Variants in EPS8 observed in about 807,000 individuals in gnomAD.
The protein encoded by EPS8 is epidermal growth factor receptor kinase substrate 8.
EPS8 carries 42 observed loss-of-function variants against 103.8 expected under a neutral mutation model. That is an observed-to-expected ratio of 0.40 (90% confidence interval 0.32 to 0.52). The LOEUF (loss-of-function observed/expected upper bound fraction) is 0.52. Among genes scored for constraint, EPS8 ranks in the 20% least tolerant of loss-of-function variants. The pLI, the probability that EPS8 is intolerant of heterozygous loss-of-function variation, is 0.40. For missense variants in EPS8, 969 were observed against 1,005.1 expected (o/e 0.96, Z 0.49); for synonymous variants, 344 against 344.6 (o/e 1.00, Z 0.02).
At chr12:15,658,897 T>C (rs576132971) in intron 10 of EPS8, among the ~76,000 whole-genome samples, 21 of 152,210 alleles carry the variant, frequency 1.4e-4, no homozygotes, top group Middle Eastern at 3.4e-3. Context: ...TAAAAGCTAA[T>C]AAAATACATG....
At position 15,771,906 on chromosome 12, in the gene EPS8, CGAGGTCAG is replaced by C. The variant is rs542283651; in HGVS notation, c.-22+17247_-22+17254del. Among the ~76,000 whole-genome samples the C allele has an allele frequency of 8.4e-3, 1,272 of 152,032 alleles. 4 individuals are homozygous for C. The highest frequency in any genetic ancestry group is 0.013 in the Non-Finnish European group (914 of 67,944). ...TTGGGAGGCCGAGGTGGGTGGATCA[CGAGGTCAG>C]GAGATCGAGACCATCCTGGCTAATG... is the stretch of plus-strand genomic sequence containing the variant. On this transcript the variant is annotated intron_variant, in intron 1 of 20. Transcript: ENST00000281172. The surrounding 1 kb of genome is among the most constrained non-coding windows in gnomAD (Gnocchi z 4.6).
At chr12:15,670,058 A>C (rs1945788646) in intron 4 of EPS8, among the ~76,000 whole-genome samples, 1 of 152,206 alleles carries the variant, frequency 6.6e-6, no homozygotes, top group Admixed American at 6.5e-5. Flanking sequence ...AATCTGTTTC[A>C]TACGGAGCCA....
intron 1 of EPS8, among the ~76,000 whole-genome samples, chr12:15,709,158 C>A (rs1158931327): frequency 6.6e-6 from 1 of 152,080 alleles, no homozygotes; most frequent in Non-Finnish European, 1.5e-5. Context: ...GCAAGGCAAC[C>A]TAGAAGAAAC....
At chr12:15,782,165 T>C (rs569760345) in intron 1 of EPS8, 1 of 152,198 alleles carries the variant, frequency 6.6e-6, no homozygotes, top group East Asian at 1.9e-4. Flanking sequence ...TCAATAAATA[T>C]ATTTGGAAAA....
chr12:15,718,039 A>G (rs1001518375), intron 1 of EPS8, among the ~76,000 whole-genome samples: 1 of 152,204 alleles, frequency 6.6e-6, no homozygotes, highest in East Asian at 1.9e-4. Flanking sequence ...CTATAACTAA[A>G]GATTAGATGT....
intron 1 of EPS8, among the ~76,000 whole-genome samples, chr12:15,788,636 T>G (rs762535680): frequency 1.9e-4 from 29 of 152,142 alleles, no homozygotes; most frequent in Non-Finnish European, 4.0e-4. Flanking sequence ...TCAACAGCCA[T>G]TAGGCATTGA....
At chr12:15,631,713 G>C in intron 17 of EPS8, 49 bp from the exon 18 acceptor site, 3 of 1,439,480 alleles carry the variant, frequency 2.1e-6, no homozygotes, top group Non-Finnish European at 1.9e-6. Flanking sequence ...TATAAACCTA[G>C]GCTAGGAAAA....
chr12:15,638,562 C>T lies in EPS8; in HGVS notation c.1821+2141G>A, dbSNP rs139048405. Among the ~76,000 whole-genome samples, 27 of 152,298 alleles carry T rather than the reference C, an allele frequency of 1.8e-4. No individual in the cohort carries two copies. In the East Asian group the frequency reaches 1.9e-3, roughly 11 times the overall value. ...ACACACACCACTACATTTGTAGTTGCAACCCGAATTTTTAAGAAGAGAGTA... is the reference window on the plus strand; with the variant it reads ...ACACACACCACTACATTTGTAGTTGTAACCCGAATTTTTAAGAAGAGAGTA... On this transcript the variant is annotated intron_variant, in intron 17 of 20. Coordinates refer to ENST00000281172, the MANE Select transcript of EPS8 (RefSeq NM_004447.6).
chr12:15,758,234 A>C (rs1947007678), intron 1 of EPS8, among the ~76,000 whole-genome samples: 1 of 152,230 alleles, frequency 6.6e-6, no homozygotes, highest in Non-Finnish European at 1.5e-5. Context: ...TCACATTTTT[A>C]AAAAGGATGT....
intron 17 of EPS8, among the ~76,000 whole-genome samples, chr12:15,640,411 T>C (rs1322504963): frequency 6.6e-6 from 1 of 152,082 alleles, no homozygotes; most frequent in Non-Finnish European, 1.5e-5. Flanking sequence ...AAGACAGAAA[T>C]ACCATTTCTT....
rs11056625 is a variant in EPS8 at position 15,744,908 on chromosome 12, G to A, written c.-22+44253C>T. Among the ~76,000 whole-genome samples, 434 of 151,748 alleles carry A rather than the reference G, an allele frequency of 2.9e-3. 5 individuals are homozygous for A. In the East Asian group the frequency reaches 0.031, roughly 11 times the overall value. The stretch of plus-strand genomic sequence containing the variant: ...TATTTTTTTTTTGAGACAGACTCTC[G>A]CTCTGTCACCAGGCTAGAGTGCAGT... On this transcript the variant is annotated intron_variant, in intron 1 of 20. Transcript: ENST00000281172.
intron 12 of EPS8, among the ~76,000 whole-genome samples, chr12:15,657,126 G>A (rs1467916296): frequency 6.6e-6 from 1 of 152,120 alleles, no homozygotes; most frequent in Admixed American, 6.5e-5. Flanking sequence ...TTACCCTGCT[G>A]ATATCATCTC....
Position 15,701,922 on chromosome 12 carries a change from A to G in EPS8, c.-21-18950T>C, listed in dbSNP as rs1243106782. Among the ~76,000 whole-genome samples the G allele has an allele frequency of 3.3e-5, 5 of 152,216 alleles. No homozygotes were observed. The highest frequency in any genetic ancestry group is 5.9e-5 in the Non-Finnish European group (4 of 68,028). ...AGAGTTCAAACATCTGACTCTTACA[A>G]TATTTTGCTTTCAGTAGAAAGACAT... On this transcript the variant is annotated intron_variant, in intron 1 of 20. Transcript: ENST00000281172. The surrounding 1 kb of genome is among the most constrained non-coding windows in gnomAD (Gnocchi z 5.1).
intron 8 of EPS8, chr12:15,665,466 G>C (rs1377662390): frequency 6.0e-6 from 2 of 335,970 alleles, no homozygotes; most frequent in Non-Finnish European, 1.1e-5. Context: ...CAGTAGCTAG[G>C]ATTATAGGCG....
Position 15,775,102 on chromosome 12 carries a change from C to T in EPS8, c.-22+14059G>A, listed in dbSNP as rs866638172. On this transcript the variant is annotated intron_variant, in intron 1 of 20. Coordinates refer to ENST00000281172, the MANE Select transcript of EPS8 (RefSeq NM_004447.6). Reference sequence around the variant, plus strand: ...CGCTTGGCCCCACTAAAGAAGGAGTCCACATTTTCCTTGCTTGCAAGTGAA... The same window carrying T: ...CGCTTGGCCCCACTAAAGAAGGAGTTCACATTTTCCTTGCTTGCAAGTGAA... 2.6e-5 allele frequency among the ~76,000 whole-genome samples: 4 copies of T among 152,140 alleles called. No homozygotes were observed. The South Asian group carries it at 6.2e-4, about 24-fold the overall frequency.
At chr12:15,681,728 CAA>C (rs71042267) in intron 2 of EPS8, among the ~76,000 whole-genome samples, 8 of 39,228 alleles carry the variant, frequency 2.0e-4, no homozygotes, top group Admixed American at 1.3e-3. Context: ...GACTCTGTCT[CAA>C]AAAAAAAAAA....
chr12:15,635,190 C>T (rs964781764), intron 17 of EPS8, among the ~76,000 whole-genome samples: 15 of 152,230 alleles, frequency 9.9e-5, no homozygotes, highest in Admixed American at 9.8e-4. Context: ...TAGTTTCAAA[C>T]TTTCTAAGCA....
At chr12:15,711,891 C>T (rs2135960505) in intron 1 of EPS8, among the ~76,000 whole-genome samples, 1 of 152,330 alleles carries the variant, frequency 6.6e-6, no homozygotes, top group East Asian at 1.9e-4. Flanking sequence ...GAACCTACCA[C>T]ATTTCCCAAG....
rs1021448809 is a variant in EPS8 at position 15,788,894 on chromosome 12, G to A, written c.-22+267C>T. Among the ~76,000 whole-genome samples the A allele has an allele frequency of 1.9e-3, 283 of 151,806 alleles. 8 individuals carry two copies. Among genetic ancestry groups the A allele is most frequent in the Admixed American group, 0.018 (282 of 15,258 alleles). ...ACCATGAATATCACTGGGCCACGGCGAACCCTCCCTGCCCAGCCTCCCGGA... is the reference window on the plus strand; with the variant it reads ...ACCATGAATATCACTGGGCCACGGCAAACCCTCCCTGCCCAGCCTCCCGGA... On this transcript the variant is annotated intron_variant, in intron 1 of 20. Coordinates refer to ENST00000281172, the MANE Select transcript of EPS8 (RefSeq NM_004447.6).
Sources: gnomAD v4.1 joint callset for allele counts (sites outside exome capture counted in the v4.1 genomes callset) on GRCh38, gnomAD v4.1.1 for gene constraint, Gnocchi (gnomAD v3.1) non-coding constraint, MANE v1.5 for transcripts, NCBI Gene and HGNC (gene_info 2026-07-23, HGNC 2026-07-21) for gene names.